ASIC5: variants seen among roughly 807,000 people sequenced by gnomAD.
ASIC5 encodes the protein acid sensing ion channel subunit family member 5.
Under a neutral mutation model 51.2 loss-of-function variants are expected in ASIC5, and 52 were observed. The observed-to-expected ratio is 1.02, with a 90% CI of 0.81 to 1.28. The LOEUF is 1.28. Ranked by LOEUF, ASIC5 falls within the 50% of genes most tolerant of loss-of-function variation. The probability of loss-of-function intolerance (pLI) is 0.00; values close to 1 mark genes in which losing one functional copy is unlikely to be tolerated. For missense variants in ASIC5, 635 were observed against 595.0 expected (o/e 1.07, Z -0.70); for synonymous variants, 231 against 200.7 (o/e 1.15, Z -1.28).
chr4:155,844,963 G>A (rs1048727956), intron 4 of ASIC5, among the ~76,000 whole-genome samples: 1 of 151,998 alleles, frequency 6.6e-6, no homozygotes, highest in African/African-American at 2.4e-5. Context: ...AGGGATAACA[G>A]CCCTGAAAAG....
chr4:155,844,973 G>C (rs1579289225), intron 4 of ASIC5, among the ~76,000 whole-genome samples: 1 of 151,996 alleles, frequency 6.6e-6, no homozygotes, highest in Admixed American at 6.6e-5. Flanking sequence ...GCCCTGAAAA[G>C]CTAAGTCTGC....
chr4:155,854,242 A>G lies in ASIC5; in HGVS notation c.420T>C (p.His140=), dbSNP rs756215502. ...TGGAATTGGCAGTAATTTCTTGAAG[A>G]TGGAGGACTTTGGATACAATGTGCC... ...FLWHIVSKVL[H]LQEITANSTG... is the part of the protein sequence containing the mutation. Residue 140 remains histidine, a synonymous_variant, in exon 3 of 10, where the codon CAT becomes CAC. Coordinates refer to ENST00000537611, the MANE Select transcript of ASIC5 (RefSeq NM_017419.3). 5.0e-6 allele frequency: 8 copies of G among 1,613,276 alleles called. No homozygotes were observed. In the South Asian group the frequency reaches 7.7e-5, roughly 15 times the overall value.
At chr4:155,862,325 T>C (rs146711363) in intron 2 of ASIC5, among the ~76,000 whole-genome samples, 1 of 152,206 alleles carries the variant, frequency 6.6e-6, no homozygotes, top group East Asian at 1.9e-4. Context: ...TGAACACCTG[T>C]TCTAGAAGTC....
At chr4:155,859,565 G>A (rs1358585104) in intron 2 of ASIC5, among the ~76,000 whole-genome samples, 2 of 151,846 alleles carry the variant, frequency 1.3e-5, no homozygotes, top group Non-Finnish European at 1.5e-5. Context: ...ATAGAAATTG[G>A]GATCTATCAG....
chr4:155,859,508 T>C (rs543487249), intron 2 of ASIC5, among the ~76,000 whole-genome samples: 4 of 152,142 alleles, frequency 2.6e-5, no homozygotes, highest in Non-Finnish European at 5.9e-5. Flanking sequence ...AGTTTCTTCA[T>C]CTCAGGTGTC....
Position 155,829,860 on chromosome 4 carries a change from C to T in ASIC5, c.1514G>A (p.Cys505Tyr), listed in dbSNP as rs142411117. The T allele has an allele frequency of 1.9e-6, 3 of 1,550,096 alleles. No homozygotes were observed. In the African/African-American group the frequency reaches 4.2e-5, roughly 22 times the overall value. ...CTATTTTATTCTAAGTGACCATTAA[C>T]ACTCCTCTATCCTATTTTTATTTCC... ...HLGNKNRIEE[C>Y] The change falls in exon 10 of 10, where the codon TGT (cysteine) becomes TAT (tyrosine). Residue 505 changes from cysteine (C) to tyrosine (Y), a missense_variant. Coordinates refer to ENST00000537611, the MANE Select transcript of ASIC5 (RefSeq NM_017419.3).
intron 2 of ASIC5, among the ~76,000 whole-genome samples, chr4:155,859,069 T>C (rs78882989): frequency 6.6e-6 from 1 of 151,900 alleles, no homozygotes; most frequent in Non-Finnish European, 1.5e-5. Flanking sequence ...CCTGAGAAGG[T>C]ATGTGCCTTC....
intron 6 of ASIC5, 58 bp downstream of exon 6, chr4:155,842,149 C>A: frequency 1.3e-6 from 2 of 1,499,204 alleles, no homozygotes; most frequent in East Asian, 2.3e-5. Context: ...CCTTTTGTAA[C>A]CCTCTAAGAA....
chr4:155,863,393 A>G (rs1459281962), intron 2 of ASIC5, 55 bp downstream of exon 2: 1 of 1,364,614 alleles, frequency 7.3e-7, no homozygotes, highest in African/African-American at 1.5e-5. Context: ...CATCCAAGAA[A>G]GATTATACTA....
In ASIC5 at chr4:155,863,514, G is replaced by T. The variant is rs1741769735; in HGVS notation, c.281C>A (p.Thr94Lys). Residue 94 changes from threonine to lysine, a missense_variant, in exon 2 of 10, where the codon ACG becomes AAG. Thr to Lys is a moderately conservative substitution (Grantham distance 78). Transcript: ENST00000537611. Reference protein sequence around the residue: ...LLNYFTWPTTTSIEVQYVEKM... With the variant: ...LLNYFTWPTTKSIEVQYVEKM... The stretch of plus-strand genomic sequence containing the variant: ...TTCCACATATTGAACCTCAATGGAC[G>T]TTGTGGTTGGCCATGTGAAGTAGTT... 3 of 1,613,646 alleles carry T rather than the reference G, an allele frequency of 1.9e-6. No homozygotes were observed. The highest frequency in any genetic ancestry group is 2.5e-6 in the Non-Finnish European group (3 of 1,179,756).
chr4:155,852,316 C>A lies in ASIC5; in HGVS notation c.586G>T (p.Asp196Tyr), dbSNP rs1395463738. 1.3e-6 allele frequency: 2 copies of A among 1,582,694 alleles called. No homozygotes were observed. The highest frequency in any genetic ancestry group is 1.7e-6 in the Non-Finnish European group (2 of 1,170,160). The change falls in exon 4 of 10, where the codon GAT becomes TAT. Residue 196 changes from aspartate (D) to tyrosine (Y), a missense_variant and splice_region_variant. By Grantham distance (160) the Asp-to-Tyr change is radical. Coordinates refer to ENST00000537611, the MANE Select transcript of ASIC5 (RefSeq NM_017419.3). ...TATTCAGTGAAGACATGTGCAAAATCCTCCAATATGTAAATGAACCAAAAA... is the reference window on the plus strand; with the variant it reads ...TATTCAGTGAAGACATGTGCAAAATACTCCAATATGTAAATGAACCAAAAA... ...EFFGKPCSPK[D>Y]FAHVFTEYGN... is the part of the protein sequence containing the mutation.
chr4:155,829,759 GA>G lies in ASIC5; in HGVS notation c.*96del. The G allele has an allele frequency of 1.4e-6, 1 of 691,424 alleles. No individual in the cohort carries two copies. Among genetic ancestry groups the G allele is most frequent in the Non-Finnish European group, 2.2e-6 (1 of 449,180 alleles). The allele number at this position is 691,424 out of a possible 1,614,324, so 42.8% of individuals were successfully genotyped here. A position where few individuals can be genotyped will look rare whatever the true frequency, so the allele number is the denominator to read the frequency against. On this transcript the variant is annotated 3_prime_UTR_variant, in exon 10 of 10. Coordinates refer to ENST00000537611, the MANE Select transcript of ASIC5 (RefSeq NM_017419.3). The stretch of plus-strand genomic sequence containing the variant: ...ATACATATCTTTAATGGCTTTTATC[GA>G]ACTCTCAAAACTATAGAAAAGTGAC...
At chr4:155,845,352 T>TA (rs1741215586) in intron 4 of ASIC5, among the ~76,000 whole-genome samples, 1 of 51,160 alleles carries the variant, frequency 2.0e-5, no homozygotes, top group Admixed American at 2.1e-4. Flanking sequence ...CAGGTTTTTG[T>TA]GGGTTTTTTT....
rs912895902 is a variant in ASIC5 at position 155,863,571 on chromosome 4, A to T, written c.224T>A (p.Leu75His). The change falls in exon 2 of 10, where the codon CTT (leucine) becomes CAT (histidine). Residue 75 changes from leucine to histidine, a missense_variant. Physicochemically the swap from Leu to His is moderately conservative, Grantham distance 99. Coordinates refer to ENST00000537611, the MANE Select transcript of ASIC5 (RefSeq NM_017419.3). ...WLVVVLGSVS[L>H]VTWQIYIRLL... ...GCGAATGTAGATCTGCCATGTCACA[A>T]GTGAGACTGAGCCCAGAACCACCAC... 4 of 1,613,638 alleles carry T rather than the reference A, an allele frequency of 2.5e-6. No homozygotes were observed. In the East Asian group the frequency reaches 8.9e-5, roughly 36 times the overall value.
chr4:155,836,576 C>T, intron 8 of ASIC5, 113 bp downstream of exon 8: 1 of 609,372 alleles, frequency 1.6e-6, no homozygotes, highest in East Asian at 2.8e-5. Flanking sequence ...GTGAAAAAAG[C>T]CATTGCCTCC....
intron 5 of ASIC5, among the ~76,000 whole-genome samples, 156 bp downstream of exon 5, chr4:155,843,525 G>T (rs966403961): frequency 5.3e-5 from 8 of 152,022 alleles, no homozygotes; most frequent in African/African-American, 1.7e-4. Context: ...CACTAATCAT[G>T]TACCTTCAGA....
At position 155,829,988 on chromosome 4, in the gene ASIC5, T is replaced by G; in HGVS notation, c.1386A>C (p.Glu462Asp). 6.3e-7 allele frequency: 1 copy of G among 1,599,160 alleles called. No individual in the cohort carries two copies. The highest frequency in any genetic ancestry group is 1.1e-5 in the South Asian group (1 of 88,796). ...AATTGGTGAATAGATATTCAATAAT[T>G]TCTATGATCGTGATCAGACTGGCCC... ...FCGASLITII[E>D]IIEYLFTNFY... is the part of the protein sequence containing the mutation. The change falls in exon 10 of 10, where the codon GAA becomes GAC. Residue 462 changes from glutamate to aspartate, a missense_variant. Glu to Asp is a conservative substitution (Grantham distance 45, BLOSUM62 2). Coordinates refer to ENST00000537611, the MANE Select transcript of ASIC5 (RefSeq NM_017419.3).
intron 9 of ASIC5, 137 bp from the exon 10 acceptor site, chr4:155,830,183 T>C (rs1740843797): frequency 3.4e-6 from 2 of 585,448 alleles, no homozygotes; most frequent in South Asian, 2.6e-5. Context: ...TAACATTTGA[T>C]ATGAATAAGG....
intron 3 of ASIC5, 69 bp downstream of exon 3, chr4:155,854,008 C>A: frequency 2.5e-6 from 3 of 1,181,256 alleles, no homozygotes; most frequent in South Asian, 1.4e-5. Context: ...GCCGTGGGAG[C>A]TCAATGTGAA....
Sources: gnomAD v4.1 joint callset for allele counts (sites outside exome capture counted in the v4.1 genomes callset) on GRCh38, gnomAD v4.1.1 for gene constraint, MANE v1.5 for transcripts, NCBI Gene and HGNC (gene_info 2026-07-23, HGNC 2026-07-21) for gene names.